The following KDELR2 variants were observed in gnomAD, a reference collection of about 807,000 sequenced individuals.
The protein encoded by KDELR2 is KDEL endoplasmic reticulum protein retention receptor 2.
Under a neutral mutation model 23.9 loss-of-function variants are expected in KDELR2, and 15 were observed. The observed-to-expected ratio is 0.63, with a 90% CI of 0.42 to 0.97. The LOEUF (loss-of-function observed/expected upper bound fraction) is 0.97, where lower values mean the gene tolerates loss of function less well. Among genes scored for constraint, KDELR2 ranks in the 50% least tolerant of loss-of-function variants. The pLI is 0.00. For synonymous variants in KDELR2, 119 were observed against 106.2 expected, an observed-to-expected ratio of 1.12 and a Z score of -0.74; for missense variants, 272 against 254.6, an observed-to-expected ratio of 1.07 and a Z score of -0.46.
intron 3 of KDELR2, among the ~76,000 whole-genome samples, chr7:6,467,719 C>T (rs546488892): frequency 8.7e-4 from 133 of 152,218 alleles, no homozygotes; most frequent in Middle Eastern, 6.8e-3. Context: ...CGAGATCATG[C>T]CACTGCACTC....
chr7:6,476,121 A>G lies in KDELR2; in HGVS notation c.92-1837T>C, dbSNP rs544763771. On this transcript the variant is annotated intron_variant, in intron 1 of 4. Transcript: ENST00000258739. ...GTTGTTTTTCAATATTTTATGAACAATCATTTTGCAGCTTGCTGAAACTGA... is the reference window on the plus strand; with the variant it reads ...GTTGTTTTTCAATATTTTATGAACAGTCATTTTGCAGCTTGCTGAAACTGA... Among the ~76,000 whole-genome samples the G allele has an allele frequency of 3.8e-4, 58 of 152,324 alleles. No individual in the cohort carries two copies. In the South Asian group the frequency reaches 8.5e-3, roughly 22 times the overall value.
chr7:6,470,479 C>T (rs1271233565), intron 2 of KDELR2: 1 of 152,178 alleles, frequency 6.6e-6, no homozygotes, highest in Non-Finnish European at 1.5e-5. Flanking sequence ...GCGCCTTGAA[C>T]CTGAGCTGCT....
chr7:6,465,294 C>A (rs766537019), intron 4 of KDELR2, among the ~76,000 whole-genome samples: 8 of 151,676 alleles, frequency 5.3e-5, no homozygotes, highest in Non-Finnish European at 1.0e-4. Context: ...CACCATTCTC[C>A]TGCCTCAGCC....
chr7:6,476,863 C>G (rs1260982033), intron 1 of KDELR2, among the ~76,000 whole-genome samples: 2 of 152,160 alleles, frequency 1.3e-5, no homozygotes, highest in African/African-American at 2.4e-5. Context: ...CCTCTCCTCT[C>G]CCCAAAAACC....
At chr7:6,474,120 A>C in intron 2 of KDELR2, 64 bp downstream of exon 2, 1 of 942,298 alleles carries the variant, frequency 1.1e-6, no homozygotes, top group Admixed American at 2.1e-5. Flanking sequence ...AGCTGACATA[A>C]ATTAAGTGTC....
At position 6,461,819 on chromosome 7, in the gene KDELR2, T is replaced by C. The variant is rs966205830; in HGVS notation, c.*1322A>G. 1.3e-5 allele frequency: 2 copies of C among 152,104 alleles called. No homozygotes were observed. The highest frequency in any genetic ancestry group is 2.9e-5 in the Non-Finnish European group (2 of 68,046). 9.4% of individuals were successfully genotyped at this position (152,104 alleles called of 1,614,324 possible). ...ACATAAAAAACAAAGTCATATACTTTTGCATTAATCAAAAAATAGCAAATC... is the reference window on the plus strand; with the variant it reads ...ACATAAAAAACAAAGTCATATACTTCTGCATTAATCAAAAAATAGCAAATC... On this transcript the variant is annotated 3_prime_UTR_variant, in exon 5 of 5. Transcript: ENST00000258739.
At chr7:6,474,412 C>A in intron 1 of KDELR2, 128 bp from the exon 2 acceptor site, 1 of 638,284 alleles carries the variant, frequency 1.6e-6, no homozygotes, top group Non-Finnish European at 2.8e-6. Flanking sequence ...CTAGGGATGG[C>A]TCTGAATGAA....
At chr7:6,465,809 G>A (rs1428408136) in intron 4 of KDELR2, among the ~76,000 whole-genome samples, 1 of 152,140 alleles carries the variant, frequency 6.6e-6, no homozygotes, top group Non-Finnish European at 1.5e-5. Context: ...GCATAGAGAG[G>A]TATCTGGTGT....
At chr7:6,471,127 AAAT>A (rs1785626952) in intron 2 of KDELR2, among the ~76,000 whole-genome samples, 9 of 5,786 alleles carry the variant, frequency 1.6e-3, no homozygotes, top group Non-Finnish European at 7.6e-3. Flanking sequence ...AAAAAATAAA[AAAT>A]AAATAAATAA....
intron 4 of KDELR2, among the ~76,000 whole-genome samples, chr7:6,464,009 C>G (rs1785443434): frequency 1.6e-5 from 2 of 123,184 alleles, no homozygotes; most frequent in Admixed American, 7.9e-5. Flanking sequence ...CCAGCCTGAC[C>G]AACATAGAGA....
At position 6,484,061 on chromosome 7, in the gene KDELR2, G is replaced by A. The variant is rs1422101585; in HGVS notation, c.-4C>T. 2 of 1,494,984 alleles carry A rather than the reference G, an allele frequency of 1.3e-6. No homozygotes were observed. Among genetic ancestry groups the A allele is most frequent in the Non-Finnish European group, 8.9e-7 (1 of 1,118,004 alleles). 92.6% of individuals were successfully genotyped at this position (1,494,984 alleles called of 1,614,324 possible). ...CAGTCAGCCGGAAAATGTTCATGGC[G>A]GCGGCGGCGGTGGCGGTCGGCGCAG... is the stretch of plus-strand genomic sequence containing the variant. On this transcript the variant is annotated 5_prime_UTR_variant, in exon 1 of 5. Transcript: ENST00000258739.
rs536602443 is a variant in KDELR2 at position 6,481,109 on chromosome 7, G to A, written c.91+2858C>T. The stretch of plus-strand genomic sequence containing the variant: ...CAAACGGCCAGGCGCAGTGGCTTAC[G>A]CCTGTAATCCCAGCACTTTGTGAGG... On this transcript the variant is annotated intron_variant, in intron 1 of 4. Coordinates refer to ENST00000258739, the MANE Select transcript of KDELR2 (RefSeq NM_006854.4). Among the ~76,000 whole-genome samples, 23 of 152,258 alleles carry A rather than the reference G, an allele frequency of 1.5e-4. No homozygotes were observed. The South Asian group carries it at 2.3e-3, about 15-fold the overall frequency.
intron 2 of KDELR2, among the ~76,000 whole-genome samples, chr7:6,471,390 G>A (rs529310929): frequency 3.9e-5 from 6 of 151,918 alleles, no homozygotes; most frequent in Non-Finnish European, 7.4e-5. Flanking sequence ...ATGTTGGTCA[G>A]GCTGGTCTCG....
At chr7:6,467,676 G>A (rs949826358) in intron 3 of KDELR2, among the ~76,000 whole-genome samples, 10 of 152,080 alleles carry the variant, frequency 6.6e-5, no homozygotes, top group East Asian at 3.9e-4. Flanking sequence ...CAGGAGAATC[G>A]CTTGAACCCA....
At chr7:6,483,571 G>A (rs573364702) in intron 1 of KDELR2, among the ~76,000 whole-genome samples, 1 of 152,262 alleles carries the variant, frequency 6.6e-6, no homozygotes, top group East Asian at 1.9e-4. Flanking sequence ...CCATTGATTC[G>A]CGGGTTTCCT....
At chr7:6,471,335 C>A (rs943151123) in intron 2 of KDELR2, among the ~76,000 whole-genome samples, 2 of 151,570 alleles carry the variant, frequency 1.3e-5, no homozygotes, top group Admixed American at 6.6e-5. Flanking sequence ...GCGCCTGCCA[C>A]CATGCCCAGC....
chr7:6,479,903 C>T (rs1785851922), intron 1 of KDELR2, among the ~76,000 whole-genome samples: 1 of 152,176 alleles, frequency 6.6e-6, no homozygotes, highest in South Asian at 2.1e-4. Flanking sequence ...AGAGCACAGG[C>T]CAAACAGCTA....
chr7:6,478,625 A>G (rs938346883), intron 1 of KDELR2, among the ~76,000 whole-genome samples: 4 of 152,036 alleles, frequency 2.6e-5, no homozygotes, highest in Admixed American at 2.6e-4. Context: ...TATTTCACTC[A>G]GTTTATTGTC....
chr7:6,478,923 G>C (rs958806416), intron 1 of KDELR2, among the ~76,000 whole-genome samples: 5 of 151,654 alleles, frequency 3.3e-5, no homozygotes, highest in African/African-American at 1.2e-4. Flanking sequence ...CTAGTGGCTG[G>C]GACTACAGGT....
Sources: gnomAD v4.1 joint callset for allele counts (sites outside exome capture counted in the v4.1 genomes callset) on GRCh38, gnomAD v4.1.1 for gene constraint, MANE v1.5 for transcripts, NCBI Gene and HGNC (gene_info 2026-07-23, HGNC 2026-07-21) for gene names.